SGMS1: variants seen among roughly 807,000 people sequenced by gnomAD.
SGMS1 encodes the protein sphingomyelin synthase 1.
In SGMS1, 13 loss-of-function variants were observed where a neutral mutation model predicts 46.2. The ratio of observed to expected loss-of-function variants is 0.28; its 90% CI spans 0.18 to 0.45. SGMS1 has a LOEUF of 0.45. Ranked by LOEUF, SGMS1 falls within the 20% of genes least tolerant of loss-of-function variation. The pLI is 1.00. For synonymous variants in SGMS1, 203 were observed against 187.8 expected (o/e 1.08, Z -0.66); for missense variants, 324 against 519.9 (o/e 0.62, Z 3.66).
intron 3 of SGMS1, among the ~76,000 whole-genome samples, chr10:50,505,743 C>G (rs1837701077): frequency 6.6e-6 from 1 of 152,094 alleles, no homozygotes; most frequent in Non-Finnish European, 1.5e-5. Flanking sequence ...CTGCTGAGCC[C>G]AAGGGTGCAG....
chr10:50,308,094 A>G lies in SGMS1; in HGVS notation c.950T>C (p.Val317Ala), dbSNP rs769261072. The G allele has an allele frequency of 6.2e-7, 1 of 1,614,072 alleles. No homozygotes were observed. Among genetic ancestry groups the G allele is most frequent in the Non-Finnish European group, 8.5e-7 (1 of 1,179,932 alleles). The change falls in exon 10 of 11, where the codon GTT (valine) becomes GCT (alanine). Residue 317 changes from valine (V) to alanine (A), a missense_variant. By Grantham distance (64) the Val-to-Ala change is moderately conservative (BLOSUM62 0). This residue lies in a region of SGMS1 where 174 missense variants were observed against 350.1 expected (regional missense o/e 0.50). Coordinates refer to ENST00000361781, the MANE Select transcript of SGMS1 (RefSeq NM_147156.4). ...CGCTAAGAGAATACAGAAGATTCCA[A>G]CTACGCTGAGAAGCCAGCAAATCCA... is the stretch of plus-strand genomic sequence containing the variant. ...YHWICWLLSV[V>A]GIFCILLAHD...
Position 50,307,157 on chromosome 10 carries a change from C to T in SGMS1, c.1227G>A (p.Leu409=), listed in dbSNP as rs2133265718. 4.3e-6 allele frequency: 7 copies of T among 1,613,748 alleles called. No homozygotes were observed. The highest frequency in any genetic ancestry group is 5.1e-6 in the Non-Finnish European group (6 of 1,179,876). The change falls in exon 11 of 11, where the codon CTG becomes CTA. Residue 409 remains leucine (L), a synonymous_variant. Transcript: ENST00000361781. This position sits in a 1 kb window ranked among gnomAD's most constrained non-coding sequence, Gnocchi z 4.2. ...HLSRQVKYSR[L]VNDT ...TGTACAGCTGTTATGTGTCATTCAC[C>T]AGCCGGCTGTATTTAACTTGCCTAC...
chr10:50,400,770 C>A (rs1589424505), intron 6 of SGMS1, among the ~76,000 whole-genome samples: 1 of 152,080 alleles, frequency 6.6e-6, no homozygotes, highest in East Asian at 1.9e-4. Flanking sequence ...TCCTTTACTA[C>A]CTGTTCAATA....
At chr10:50,567,338 G>A (rs1228061238) in intron 2 of SGMS1, among the ~76,000 whole-genome samples, 1 of 152,098 alleles carries the variant, frequency 6.6e-6, no homozygotes, top group East Asian at 1.9e-4. Flanking sequence ...CTCAGATGTG[G>A]AACCACAGAT....
chr10:50,457,523 A>G (rs547915241), intron 5 of SGMS1, among the ~76,000 whole-genome samples: 1 of 152,226 alleles, frequency 6.6e-6, no homozygotes, highest in East Asian at 1.9e-4. Flanking sequence ...TCCCATCACC[A>G]AGGTAGTAAG....
At chr10:50,585,588 G>A (rs557498458) in intron 2 of SGMS1, among the ~76,000 whole-genome samples, 49 of 152,116 alleles carry the variant, frequency 3.2e-4, no homozygotes, top group Non-Finnish European at 6.5e-4. Context: ...TGGTGCACAC[G>A]GAAATGCGCT....
intron 6 of SGMS1, among the ~76,000 whole-genome samples, chr10:50,410,538 T>C (rs898504871): frequency 2.6e-5 from 4 of 152,148 alleles, no homozygotes; most frequent in Non-Finnish European, 4.4e-5. Flanking sequence ...CTGAAAAGCA[T>C]AGTTACATGA....
At chr10:50,588,032 A>G (rs980243493) in intron 2 of SGMS1, among the ~76,000 whole-genome samples, 2 of 152,100 alleles carry the variant, frequency 1.3e-5, no homozygotes, top group African/African-American at 4.8e-5. Context: ...CCCTTCATTC[A>G]TCCTTCAAAA....
At chr10:50,472,987 T>C (rs1203379) in intron 3 of SGMS1, 130,560 of 152,184 alleles carry the variant, frequency 0.86, 56,268 homozygotes, top group East Asian at 1. Context: ...AAATATGATC[T>C]AGTAAAATCT....
chr10:50,508,035 TC>T (rs1213640230), intron 3 of SGMS1, among the ~76,000 whole-genome samples: 3 of 152,132 alleles, frequency 2.0e-5, no homozygotes, highest in African/African-American at 7.2e-5. Context: ...ATGTACCCAC[TC>T]CCTACTACTG....
chr10:50,471,499 A>T (rs1009350528), intron 3 of SGMS1, among the ~76,000 whole-genome samples: 2 of 152,190 alleles, frequency 1.3e-5, no homozygotes. Context: ...AACTCATTTG[A>T]ATCTTTGAAA....
intron 1 of SGMS1, among the ~76,000 whole-genome samples, chr10:50,610,181 C>G (rs1447978977): frequency 6.6e-6 from 1 of 152,192 alleles, no homozygotes; most frequent in Non-Finnish European, 1.5e-5. Context: ...AAACGTCAAG[C>G]CGCACAGAAC....
At chr10:50,576,400 T>C (rs1838385689) in intron 2 of SGMS1, among the ~76,000 whole-genome samples, 1 of 152,146 alleles carries the variant, frequency 6.6e-6, no homozygotes, top group African/African-American at 2.4e-5. Context: ...GTCACCCTTG[T>C]CCCCACTTTC....
chr10:50,496,112 T>G (rs1462113220), intron 3 of SGMS1, among the ~76,000 whole-genome samples: 1 of 152,220 alleles, frequency 6.6e-6, no homozygotes, highest in Non-Finnish European at 1.5e-5. Flanking sequence ...TACAGTTCCT[T>G]GCTTCTCTGC....
chr10:50,327,394 A>C, intron 7 of SGMS1, 72 bp from the exon 8 acceptor site: 1 of 906,510 alleles, frequency 1.1e-6, no homozygotes, highest in Non-Finnish European at 1.8e-6. Context: ...TAATTTTTCA[A>C]TGACTCAATA....
intron 1 of SGMS1, among the ~76,000 whole-genome samples, chr10:50,614,361 A>C (rs1419637394): frequency 6.6e-6 from 1 of 152,214 alleles, no homozygotes; most frequent in African/African-American, 2.4e-5. Flanking sequence ...ACAGGACCAC[A>C]TGAGTTCAGT....
chr10:50,530,899 G>C (rs1837947673), intron 2 of SGMS1, among the ~76,000 whole-genome samples: 1 of 152,116 alleles, frequency 6.6e-6, no homozygotes, highest in Non-Finnish European at 1.5e-5. Flanking sequence ...ACCTGAAGGG[G>C]AGGCACTGAA....
At chr10:50,333,309 T>G (rs1847656836) in intron 7 of SGMS1, among the ~76,000 whole-genome samples, 5 of 152,210 alleles carry the variant, frequency 3.3e-5, no homozygotes, top group Admixed American at 3.3e-4. Flanking sequence ...GAGCTTTAAT[T>G]CTTATTCTCT....
At chr10:50,624,990 G>C (rs780615276), upstream of SGMS1, 153 of 1,028,148 alleles carry the variant, frequency 1.5e-4, no homozygotes, top group Non-Finnish European at 1.7e-4. Flanking sequence ...GCTCGGAACC[G>C]ACCTGGGAGC....
Sources: allele counts gnomAD v4.1 joint callset (sites outside exome capture counted in the v4.1 genomes callset), GRCh38; gene constraint gnomAD v4.1.1; regional missense constraint gnomAD v4.1.1; non-coding constraint Gnocchi (gnomAD v3.1); transcripts MANE v1.5; gene names NCBI Gene and HGNC (gene_info 2026-07-23, HGNC 2026-07-21).